The following USP42 variants were observed in gnomAD, a reference collection of about 807,000 sequenced individuals.
The protein encoded by USP42 is ubiquitin carboxyl-terminal hydrolase 42.
In USP42, 23 loss-of-function variants were observed where a neutral mutation model predicts 113.0. That is an observed-to-expected ratio of 0.20 (90% CI 0.15 to 0.29). USP42 has a LOEUF of 0.29. Among genes scored for constraint, USP42 ranks in the 10% least tolerant of loss-of-function variants. The pLI is 1.00. For synonymous variants in USP42, 933 were observed against 699.0 expected, an observed-to-expected ratio of 1.33 and a Z score of -5.28; for missense variants, 2,174 against 1,779.8, an observed-to-expected ratio of 1.22 and a Z score of -3.99.
rs1370753455 is a variant in USP42, at chr7:6,158,963, T to C, written c.3944-487T>C. On this transcript the variant is annotated intron_variant, in intron 16 of 17. Transcript: ENST00000306177. The surrounding 1 kb of genome is among the most constrained non-coding windows in gnomAD (Gnocchi z 4.2). ...GCGTTGTCTGTGTGGTGGCCCTGTG[T>C]TTCCGTCCCCGTCCCACTGCACCGA... Among the ~76,000 whole-genome samples, 3 of 152,108 alleles carry C rather than the reference T, an allele frequency of 2.0e-5. No homozygotes were observed. Among genetic ancestry groups the C allele is most frequent in the African/African-American group, 7.2e-5 (3 of 41,410 alleles).
intron 2 of USP42, among the ~76,000 whole-genome samples, chr7:6,113,582 A>G (rs1779716649): frequency 1.3e-5 from 2 of 151,850 alleles, no homozygotes; most frequent in South Asian, 2.1e-4. Flanking sequence ...ATGGAGAATG[A>G]TTCTACATGG....
chr7:6,084,183 C>T, the USP42 span, among the ~76,000 whole-genome samples: 31 of 150,770 alleles, frequency 2.1e-4, no homozygotes, highest in Non-Finnish European at 3.7e-4. Flanking sequence ...TGAGCCACCA[C>T]GCCCAGCTAA....
chr7:6,125,638 TTAGA>T (rs1444864373), intron 3 of USP42, among the ~76,000 whole-genome samples: 28 of 152,230 alleles, frequency 1.8e-4, no homozygotes, highest in African/African-American at 6.0e-4. Flanking sequence ...AAGTTTTGTT[TTAGA>T]TAGTTTAAAG....
chr7:6,130,461 C>G (rs10250285), intron 3 of USP42, among the ~76,000 whole-genome samples: 14,258 of 152,140 alleles, frequency 0.094, 818 homozygotes, highest in African/African-American at 0.16. Flanking sequence ...ATAGTGGTGG[C>G]AGAGTTTAGA....
At chr7:6,086,801 A>C in the USP42 span, among the ~76,000 whole-genome samples, 1 of 149,330 alleles carries the variant, frequency 6.7e-6, no homozygotes, top group East Asian at 2.0e-4. Context: ...GTCTCAGCTC[A>C]CTGTGACCTC....
the USP42 span, among the ~76,000 whole-genome samples, chr7:6,085,827 C>T: frequency 5.3e-5 from 8 of 150,434 alleles, no homozygotes; most frequent in Non-Finnish European, 1.0e-4. Flanking sequence ...GTTGGCCAGG[C>T]TGGTTTTGAA....
At chr7:6,151,315 A>T (rs10249786) in intron 14 of USP42, among the ~76,000 whole-genome samples, 25,278 of 152,242 alleles carry the variant, frequency 0.17, 3,531 homozygotes, top group East Asian at 0.46. Flanking sequence ...TCAATAGTAA[A>T]CACACCTTAG....
At chr7:6,107,183 T>G in intron 1 of USP42, among the ~76,000 whole-genome samples, 1 of 152,194 alleles carries the variant, frequency 6.6e-6, no homozygotes. Context: ...ACTTGAATTG[T>G]GCTTTCGTTA....
chr7:6,154,925 C>G lies in USP42; in HGVS notation c.3371C>G (p.Ala1124Gly). 6.5e-7 allele frequency: 1 copy of G among 1,550,250 alleles called. No individual in the cohort carries two copies. Residue 1124 changes from alanine (A) to glycine (G), a missense_variant, in exon 15 of 18, where the codon GCC (alanine) becomes GGC (glycine). Coordinates refer to ENST00000306177, the MANE Select transcript of USP42 (RefSeq NM_032172.3). ...PSSPRAGAPH[A>G]LAPHPDRFSH... ...AGCCCCCGCGCAGGCGCGCCCCACG[C>G]CCTCGCCCCGCACCCCGACCGCTTC...
intron 1 of USP42, among the ~76,000 whole-genome samples, chr7:6,105,756 A>G (rs930613667): frequency 2.0e-5 from 3 of 152,218 alleles, no homozygotes; most frequent in Non-Finnish European, 2.9e-5. Context: ...GCTTACCTGG[A>G]ACGGGGGATC....
intron 14 of USP42, chr7:6,152,850 T>A: frequency 1.4e-6 from 1 of 713,846 alleles, no homozygotes; most frequent in Middle Eastern, 7.0e-4. Context: ...AGCTGCTGGC[T>A]GTGTTTGGAG....
intron 1 of USP42, among the ~76,000 whole-genome samples, chr7:6,107,415 T>C (rs1779352222): frequency 6.7e-6 from 1 of 150,278 alleles, no homozygotes; most frequent in Admixed American, 6.6e-5. Flanking sequence ...TTTTCTTTTT[T>C]TTTTTTTTTT....
At chr7:6,082,271 G>A in the USP42 span, among the ~76,000 whole-genome samples, 6 of 152,000 alleles carry the variant, frequency 3.9e-5, no homozygotes, top group Admixed American at 2.6e-4. Context: ...TGGGACTACA[G>A]GTGCCCGCCA....
intron 15 of USP42, among the ~76,000 whole-genome samples, chr7:6,155,878 CCTCTGG>C (rs1487031739): frequency 9.2e-5 from 14 of 152,132 alleles, no homozygotes; most frequent in Non-Finnish European, 1.9e-4. Flanking sequence ...CAGCCCTCAG[CCTCTGG>C]AGTAGCCGGG....
the USP42 span, among the ~76,000 whole-genome samples, chr7:6,083,479 C>T: frequency 6.7e-6 from 1 of 150,092 alleles, no homozygotes; most frequent in African/African-American, 2.5e-5. Flanking sequence ...TGGTCTCAAA[C>T]TCCTGACCTC....
At chr7:6,104,819 T>C (rs1472837677), upstream of USP42, 1 of 150,580 alleles carries the variant, frequency 6.6e-6, no homozygotes, top group Non-Finnish European at 1.5e-5. Context: ...CCGCGCTTCT[T>C]GTGCGACGGC....
At chr7:6,084,655 G>A in the USP42 span, 1 of 150,926 alleles carries the variant, frequency 6.6e-6, no homozygotes, top group Admixed American at 6.6e-5. Flanking sequence ...CTGGCTGTTT[G>A]TTGCAGATAT....
intron 14 of USP42, chr7:6,152,920 G>A: frequency 2.0e-6 from 2 of 985,338 alleles, no homozygotes; most frequent in South Asian, 4.7e-5. Flanking sequence ...GAGAGGAAAG[G>A]AGGAGGCCCT....
chr7:6,132,283 G>T (rs1022459137), intron 3 of USP42, among the ~76,000 whole-genome samples: 1 of 152,124 alleles, frequency 6.6e-6, no homozygotes, highest in Admixed American at 6.6e-5. Flanking sequence ...CCTGTGCTGT[G>T]CCTGATAAGA....
Sources: allele counts gnomAD v4.1 joint callset (sites outside exome capture counted in the v4.1 genomes callset), GRCh38; gene constraint gnomAD v4.1.1; non-coding constraint Gnocchi (gnomAD v3.1); transcripts MANE v1.5; gene names NCBI Gene and HGNC (gene_info 2026-07-23, HGNC 2026-07-21).